The following COX4I2 variants were observed in gnomAD, a reference collection of about 807,000 sequenced individuals.
COX4I2 encodes cytochrome c oxidase subunit 4I2, also known as cytochrome c oxidase subunit 4 isoform 2, mitochondrial.
COX4I2 carries 15 observed loss-of-function variants against 20.8 expected under a neutral mutation model. That is an observed-to-expected ratio of 0.72 (90% CI 0.48 to 1.11). The LOEUF (loss-of-function observed/expected upper bound fraction) is 1.11, where lower values mean the gene tolerates loss of function less well. Among genes scored for constraint, COX4I2 ranks in the 50% most tolerant of loss-of-function variants. The pLI is 0.00. For synonymous variants in COX4I2, 80 were observed against 78.1 expected (o/e 1.02, Z -0.13); for missense variants, 224 against 223.0 (o/e 1.00, Z -0.03).
In COX4I2 at chr20:31,640,019, C is replaced by T; in HGVS notation, c.169C>T (p.Leu57Phe). The T allele has an allele frequency of 6.2e-7, 1 of 1,614,050 alleles. No homozygotes were observed. Among genetic ancestry groups the T allele is most frequent in the Non-Finnish European group, 8.5e-7 (1 of 1,180,020 alleles). The change falls in exon 3 of 5, where the codon CTC becomes TTC. Residue 57 changes from leucine to phenylalanine, a missense_variant. Physicochemically the swap from Leu to Phe is conservative, Grantham distance 22. Coordinates refer to ENST00000376075, the MANE Select transcript of COX4I2 (RefSeq NM_032609.3). ...GCCAGAAGAGCCCTTCTGCACAGAA[C>T]TCAACGCTGAGGAGCAGGCCCTGAA... Reference protein sequence around the residue: ...PMPEEPFCTELNAEEQALKEK... With the variant: ...PMPEEPFCTEFNAEEQALKEK...
intron 4 of COX4I2, among the ~76,000 whole-genome samples, chr20:31,644,265 G>A (rs1463160412): frequency 6.6e-6 from 1 of 152,180 alleles, no homozygotes; most frequent in Non-Finnish European, 1.5e-5. Flanking sequence ...TGTATCAGGT[G>A]CTTAATATTT....
At chr20:31,639,854 C>A in intron 2 of COX4I2, 79 bp from the exon 3 acceptor site, 1 of 1,544,916 alleles carries the variant, frequency 6.5e-7, no homozygotes, top group Middle Eastern at 1.9e-4. Flanking sequence ...CCAAGCCCGG[C>A]CACCTTCTTT....
chr20:31,642,480 C>T (rs1425984988), intron 3 of COX4I2, among the ~76,000 whole-genome samples: 3 of 140,282 alleles, frequency 2.1e-5, no homozygotes, highest in African/African-American at 5.3e-5. Context: ...CGCTCTGTCG[C>T]CTAGGCTGGA....
intron 3 of COX4I2, 26 bp downstream of exon 3, chr20:31,640,123 G>A: frequency 1.3e-6 from 2 of 1,587,872 alleles, no homozygotes; most frequent in East Asian, 2.3e-5. Flanking sequence ...GGGCTGGCTG[G>A]AGAGAGTGGG....
At chr20:31,642,628 C>T (rs936006852) in intron 3 of COX4I2, among the ~76,000 whole-genome samples, 2 of 151,678 alleles carry the variant, frequency 1.3e-5, no homozygotes, top group African/African-American at 2.4e-5. Context: ...TTAGTAGAGA[C>T]GGGGTTTCAC....
intron 1 of COX4I2, among the ~76,000 whole-genome samples, 161 bp downstream of exon 1, chr20:31,638,123 A>G (rs530971863): frequency 3.9e-5 from 6 of 152,178 alleles, no homozygotes; most frequent in East Asian, 3.9e-4. Flanking sequence ...GGGAGTCTGC[A>G]TATGTGTGCC....
chr20:31,639,962 AC>A lies in COX4I2; in HGVS notation c.114del (p.Asn39ThrfsTer26). On this transcript the variant is annotated frameshift_variant, in exon 3 of 5. Coordinates refer to ENST00000376075, the MANE Select transcript of COX4I2 (RefSeq NM_032609.3). LOFTEE classifies it high-confidence loss of function. ...TRGGGKMSPY[T>X]NCYAQRYYPM... ...TGGTGGGGGGAAGATGTCCCCCTAC[AC>A]CAACTGCTATGCCCAGCGCTACTAC... 6.2e-7 allele frequency: 1 copy of A among 1,614,044 alleles called. No homozygotes were observed. The highest frequency in any genetic ancestry group is 8.5e-7 in the Non-Finnish European group (1 of 1,180,000).
At position 31,643,481 on chromosome 20, in the gene COX4I2, GTCT is replaced by G. The variant is rs750113081; in HGVS notation, c.334_336del (p.Phe112del). Reference sequence around the variant, plus strand: ...TGAGTGGAAGACAGTGATGGGTTGTGTCTTCTTCTTCATTGGATTCGCAGCTCT... The same window carrying G: ...TGAGTGGAAGACAGTGATGGGTTGTGTCTTCTTCATTGGATTCGCAGCTCT... On this transcript the variant is annotated inframe_deletion, in exon 4 of 5. Coordinates refer to ENST00000376075, the MANE Select transcript of COX4I2 (RefSeq NM_032609.3). 150 of 1,614,202 alleles carry G rather than the reference GTCT, an allele frequency of 9.3e-5. 1 individual carries two copies. In the South Asian group the frequency reaches 1.3e-3, roughly 14 times the overall value.
intron 3 of COX4I2, 67 bp from the exon 4 acceptor site, chr20:31,643,337 G>C (rs1334721808): frequency 6.3e-7 from 1 of 1,595,830 alleles, no homozygotes; most frequent in East Asian, 2.2e-5. Context: ...GCTGCAGGGA[G>C]GGGGAAGCCG....
At chr20:31,641,263 C>T (rs1225391465) in intron 3 of COX4I2, among the ~76,000 whole-genome samples, 1 of 150,648 alleles carries the variant, frequency 6.6e-6, no homozygotes, top group Non-Finnish European at 1.5e-5. Flanking sequence ...GAGGCTGAGG[C>T]AGGAGGATCA....
At position 31,637,952 on chromosome 20, in the gene COX4I2, G is replaced by C. The variant is rs900877737; in HGVS notation, c.-11G>C. On this transcript the variant is annotated 5_prime_UTR_variant, in exon 1 of 5. Transcript: ENST00000376075. ...AGACCCAGGTCGCGCTCCCACTGCC[G>C]AGCCCGCGAGGTGAGTGAGTTGGGG... 6.6e-6 allele frequency: 1 copy of C among 152,162 alleles called. No individual in the cohort carries two copies. Among genetic ancestry groups the C allele is most frequent in the Admixed American group, 6.5e-5 (1 of 15,286 alleles). 9.4% of individuals were successfully genotyped at this position (152,162 alleles called of 1,614,324 possible). A position where few individuals can be genotyped will look rare whatever the true frequency, so the allele number is the denominator to read the frequency against.
intron 2 of COX4I2, chr20:31,639,343 C>A (rs1344067327): frequency 1.1e-6 from 1 of 939,308 alleles, no homozygotes; most frequent in African/African-American, 1.8e-5. Flanking sequence ...AAGCCTCAGG[C>A]CCCTAGACCT....
In COX4I2 at chr20:31,640,046, GAGA is replaced by G. The variant is rs762817099; in HGVS notation, c.199_201del (p.Lys67del). ...CAACGCTGAGGAGCAGGCCCTGAAG[GAGA>G]AGGAGAAGGGAAGCTGGACCCAGCT... On this transcript the variant is annotated inframe_deletion, in exon 3 of 5. Transcript: ENST00000376075. 3.1e-6 allele frequency: 5 copies of G among 1,613,618 alleles called. No individual in the cohort carries two copies. Among genetic ancestry groups the G allele is most frequent in the Admixed American group, 1.7e-5 (1 of 59,986 alleles).
At chr20:31,639,802 C>T (rs1209096973) in intron 2 of COX4I2, 131 bp from the exon 3 acceptor site, 3 of 957,936 alleles carry the variant, frequency 3.1e-6, no homozygotes, top group Admixed American at 2.0e-5. Context: ...GTGATCCACC[C>T]GCCTCAGCCT....
intron 3 of COX4I2, among the ~76,000 whole-genome samples, chr20:31,640,786 G>T (rs73117907): frequency 2.9e-3 from 434 of 152,188 alleles, no homozygotes; most frequent in Non-Finnish European, 3.4e-3. Context: ...GTGGGGAAAG[G>T]TTCATGCTTC....
intron 4 of COX4I2, 86 bp downstream of exon 4, chr20:31,643,621 C>A: frequency 6.6e-7 from 1 of 1,525,986 alleles, no homozygotes; most frequent in South Asian, 1.1e-5. Context: ...AGGAACCATG[C>A]TGGCACTCAT....
chr20:31,638,916 C>A (rs2060451182), intron 1 of COX4I2, 102 bp from the exon 2 acceptor site: 2 of 1,208,862 alleles, frequency 1.7e-6, no homozygotes, highest in Non-Finnish European at 2.4e-6. Flanking sequence ...GACACCCCTA[C>A]CACTACCATA....
rs1230175279 is a variant in COX4I2, at chr20:31,639,149, G to A, written c.82+50G>A. 3 of 1,567,198 alleles carry A rather than the reference G, an allele frequency of 1.9e-6. No homozygotes were observed. In the Admixed American group the frequency reaches 5.7e-5, roughly 30 times the overall value. ...TGCCTAACTCCAGAGATAGGGGCAG[G>A]GGTCCCCTCTGCAGGCTGCCCCCTT... is the stretch of plus-strand genomic sequence containing the variant. On this transcript the variant is annotated intron_variant, in intron 2 of 4. Transcript: ENST00000376075.
Position 31,638,773 on chromosome 20 carries a change from T to C in COX4I2, c.1-245T>C, listed in dbSNP as rs183910950. ...ACCCTGGCCCAAGACTTAGGCCTCC[T>C]CCCACTTCTCAGATGGTGAATTGAG... On this transcript the variant is annotated intron_variant, in intron 1 of 4. Transcript: ENST00000376075. 1.5e-4 allele frequency among the ~76,000 whole-genome samples: 23 copies of C among 152,114 alleles called. No homozygotes were observed. The South Asian group carries it at 3.5e-3, about 23-fold the overall frequency.
Sources: allele counts gnomAD v4.1 joint callset (sites outside exome capture counted in the v4.1 genomes callset), GRCh38; gene constraint gnomAD v4.1.1; transcripts MANE v1.5; gene names NCBI Gene and HGNC (gene_info 2026-07-23, HGNC 2026-07-21).